LYRM4: variants seen among roughly 807,000 people sequenced by gnomAD.
LYRM4 encodes the protein LYR motif-containing protein 4.
In LYRM4, 9 loss-of-function variants were observed where a neutral mutation model predicts 11.7. That is an observed-to-expected ratio of 0.77 (90% CI 0.46 to 1.34). The LOEUF (loss-of-function observed/expected upper bound fraction) is 1.34. Among genes scored for constraint, LYRM4 ranks in the 40% most tolerant of loss-of-function variants. The probability of loss-of-function intolerance (pLI) is 0.00; values close to 1 mark genes in which losing one functional copy is unlikely to be tolerated. For missense variants in LYRM4, 133 were observed against 112.5 expected, an observed-to-expected ratio of 1.18 and a Z score of -0.82; for synonymous variants, 42 against 40.4, an observed-to-expected ratio of 1.04 and a Z score of -0.15.
At chr6:5,252,453 A>T (rs1764479089) in intron 1 of LYRM4, among the ~76,000 whole-genome samples, 1 of 152,122 alleles carries the variant, frequency 6.6e-6, no homozygotes, top group Non-Finnish European at 1.5e-5. Flanking sequence ...CTTCAGCCAC[A>T]ATTACCCACG....
At chr6:5,194,300 T>C (rs1209489078) in intron 2 of LYRM4, among the ~76,000 whole-genome samples, 1 of 152,226 alleles carries the variant, frequency 6.6e-6, no homozygotes, top group East Asian at 1.9e-4. Context: ...TGAAGGGTGC[T>C]GTCTTTGGGT....
chr6:5,220,743 TAC>T (rs1178579283), intron 1 of LYRM4, among the ~76,000 whole-genome samples: 1 of 152,220 alleles, frequency 6.6e-6, no homozygotes, highest in African/African-American at 2.4e-5. Context: ...GCCTCCATGA[TAC>T]TGTTACTTGT....
intron 1 of LYRM4, among the ~76,000 whole-genome samples, chr6:5,241,616 T>C (rs149241341): frequency 6.6e-6 from 1 of 152,244 alleles, no homozygotes; most frequent in Admixed American, 6.5e-5. Flanking sequence ...TGGAAGTTTC[T>C]GCTGTAACAT....
chr6:5,065,496 T>C, the LYRM4 span, among the ~76,000 whole-genome samples: 3 of 152,204 alleles, frequency 2.0e-5, no homozygotes, highest in African/African-American at 7.2e-5. Context: ...CTCAAGAAGA[T>C]GCAAAAATCA....
At chr6:5,074,397 CTTTTTTTTTTTTTT>C in the LYRM4 span, among the ~76,000 whole-genome samples, 1 of 76,770 alleles carries the variant, frequency 1.3e-5, no homozygotes, top group Non-Finnish European at 2.4e-5. Context: ...AGCACAGGTA[CTTTTTTTTTTTTTT>C]TTTTTTTTTT....
At chr6:5,230,848 A>G (rs1158757518) in intron 1 of LYRM4, among the ~76,000 whole-genome samples, 1 of 152,196 alleles carries the variant, frequency 6.6e-6, no homozygotes, top group Non-Finnish European at 1.5e-5. Context: ...TCAGTCATCT[A>G]CCTTCTTCTG....
intron 2 of LYRM4, among the ~76,000 whole-genome samples, chr6:5,199,945 A>G (rs1761292184): frequency 6.6e-6 from 1 of 152,358 alleles, no homozygotes; most frequent in African/African-American, 2.4e-5. Context: ...ACAGTTTCAA[A>G]ACAGACTGGT....
At chr6:5,141,088 T>C (rs544536238) in intron 2 of LYRM4, among the ~76,000 whole-genome samples, 1 of 152,400 alleles carries the variant, frequency 6.6e-6, no homozygotes, top group African/African-American at 2.4e-5. Flanking sequence ...TGAAAAACTA[T>C]ACTTTCACAA....
intron 1 of LYRM4, among the ~76,000 whole-genome samples, chr6:5,239,546 G>A (rs77870896): frequency 2.0e-5 from 3 of 151,998 alleles, no homozygotes; most frequent in Non-Finnish European, 4.4e-5. Flanking sequence ...ATGTCAAGCG[G>A]AGCCAAGAGA....
chr6:5,222,474 C>T (rs1217226303), intron 1 of LYRM4, among the ~76,000 whole-genome samples: 2 of 151,942 alleles, frequency 1.3e-5, no homozygotes, highest in African/African-American at 2.4e-5. Flanking sequence ...GTCTCAGGTT[C>T]GGTGGGTGAC....
At chr6:5,071,622 A>G in the LYRM4 span, among the ~76,000 whole-genome samples, 7 of 151,762 alleles carry the variant, frequency 4.6e-5, no homozygotes, top group African/African-American at 1.2e-4. Context: ...GTGTGTATGT[A>G]TATATATATG....
At chr6:5,086,182 G>T in the LYRM4 span, 2 of 1,533,294 alleles carry the variant, frequency 1.3e-6, no homozygotes, top group Non-Finnish European at 1.7e-6. Context: ...GGGCGCTGAG[G>T]TGAAGGGCTC....
At position 5,138,726 on chromosome 6, in the gene LYRM4, T is replaced by C. The variant is rs1244396306; in HGVS notation, c.208-29235A>G. On this transcript the variant is annotated intron_variant, in intron 2 of 2. Coordinates refer to ENST00000330636, the MANE Select transcript of LYRM4 (RefSeq NM_020408.6). ...AACAAACCTGGTGGCAGACAATGAC[T>C]ATGGACTTTATGCCTGGGGGTAAAA... 11 of 1,532,842 alleles carry C rather than the reference T, an allele frequency of 7.2e-6. No individual in the cohort carries two copies. Among genetic ancestry groups the C allele is most frequent in the Non-Finnish European group, 9.6e-6 (11 of 1,145,300 alleles). 95.0% of individuals were successfully genotyped at this position (1,532,842 alleles called of 1,614,324 possible).
intron 2 of LYRM4, among the ~76,000 whole-genome samples, chr6:5,123,801 C>T (rs1029929570): frequency 6.6e-6 from 1 of 152,196 alleles, no homozygotes; most frequent in Non-Finnish European, 1.5e-5. Flanking sequence ...TTGGGCTGTC[C>T]CTGAAAAGGA....
intron 2 of LYRM4, among the ~76,000 whole-genome samples, chr6:5,155,035 A>G (rs2127645330): frequency 6.6e-6 from 1 of 152,188 alleles, no homozygotes; most frequent in East Asian, 1.9e-4. Context: ...TCTTTTCTGT[A>G]CAGAATTACT....
chr6:5,044,020 C>A, the LYRM4 span, among the ~76,000 whole-genome samples: 1 of 152,202 alleles, frequency 6.6e-6, no homozygotes, highest in African/African-American at 2.4e-5. Context: ...TGGTGCACAC[C>A]TTCCTCTTGG....
At chr6:5,151,983 T>C (rs187316766) in intron 2 of LYRM4, among the ~76,000 whole-genome samples, 20 of 152,316 alleles carry the variant, frequency 1.3e-4, no homozygotes, top group African/African-American at 4.3e-4. Context: ...GCAGGATCTT[T>C]GTGGGATTCA....
chr6:5,097,955 T>C, the LYRM4 span, among the ~76,000 whole-genome samples: 1 of 152,168 alleles, frequency 6.6e-6, no homozygotes, highest in East Asian at 1.9e-4. Context: ...TCCTGTTTGG[T>C]GTCTGTTCTT....
At chr6:5,223,223 G>T (rs967400670) in intron 1 of LYRM4, among the ~76,000 whole-genome samples, 1 of 152,108 alleles carries the variant, frequency 6.6e-6, no homozygotes. Flanking sequence ...CAAAGAAAAG[G>T]GCTGCTTTCC....
Sources: gnomAD v4.1 joint callset for allele counts (sites outside exome capture counted in the v4.1 genomes callset) on GRCh38, gnomAD v4.1.1 for gene constraint, MANE v1.5 for transcripts, NCBI Gene and HGNC (gene_info 2026-07-23, HGNC 2026-07-21) for gene names.